The following TEC variants were observed in gnomAD, a reference collection of about 807,000 sequenced individuals.
TEC encodes tec protein tyrosine kinase.
Under a neutral mutation model 93.0 loss-of-function variants are expected in TEC, and 72 were observed. The observed-to-expected ratio is 0.77, with a 90% CI of 0.64 to 0.94. The LOEUF is 0.94. Ranked by LOEUF, TEC falls within the 40% of genes least tolerant of loss-of-function variation. The pLI is 0.00. For synonymous variants in TEC, 249 were observed against 247.7 expected (o/e 1.01, Z -0.05); for missense variants, 630 against 757.9 (o/e 0.83, Z 1.98).
intron 10 of TEC, 47 bp from the exon 11 acceptor site, chr4:48,149,737 A>C: frequency 6.5e-7 from 1 of 1,550,352 alleles, no homozygotes; most frequent in Non-Finnish European, 8.7e-7. Flanking sequence ...AAATAATAGA[A>C]CTTCATTCTT....
intron 1 of TEC, among the ~76,000 whole-genome samples, chr4:48,269,317 T>C (rs1470897716): frequency 6.6e-6 from 1 of 152,256 alleles, no homozygotes; most frequent in Non-Finnish European, 1.5e-5. Context: ...GGTATATCTA[T>C]CTCGACACTG....
rs150044798 is a variant in TEC at position 48,256,311 on chromosome 4, C to T, written c.-46+13441G>A. ...AAAATAATGCCTCTGTGGCCGGGCA[C>T]GGTGGCTCACATCTGTTATCCCAGC... On this transcript the variant is annotated intron_variant, in intron 1 of 17. Transcript: ENST00000381501. Among the ~76,000 whole-genome samples, 1,186 of 152,010 alleles carry T rather than the reference C, an allele frequency of 7.8e-3. 7 individuals are homozygous for T. The highest frequency in any genetic ancestry group is 0.013 in the Non-Finnish European group (893 of 67,958).
chr4:48,164,247 T>C (rs1024500167), intron 7 of TEC, among the ~76,000 whole-genome samples: 9 of 152,228 alleles, frequency 5.9e-5, no homozygotes, highest in African/African-American at 1.4e-4. Context: ...ATAGTTCTTA[T>C]AGAATAGTTT....
chr4:48,186,686 C>G (rs1208996047), intron 2 of TEC, among the ~76,000 whole-genome samples: 1 of 150,628 alleles, frequency 6.6e-6, no homozygotes, highest in Non-Finnish European at 1.5e-5. Flanking sequence ...AAGTGAGGAG[C>G]CCCTCCGCCC....
At chr4:48,217,476 C>A (rs1183775904) in intron 2 of TEC, among the ~76,000 whole-genome samples, 2 of 152,182 alleles carry the variant, frequency 1.3e-5, no homozygotes, top group Non-Finnish European at 2.9e-5. Flanking sequence ...ACACCTTCAG[C>A]TCCTAATGAT....
At chr4:48,183,354 G>T (rs1721672540) in intron 2 of TEC, among the ~76,000 whole-genome samples, 1 of 152,210 alleles carries the variant, frequency 6.6e-6, no homozygotes, top group Non-Finnish European at 1.5e-5. Flanking sequence ...AACTTGAGTA[G>T]GCTAAGGGAT....
chr4:48,184,768 A>AACACACACAC (rs1721730948), intron 2 of TEC, among the ~76,000 whole-genome samples: 1 of 96,906 alleles, frequency 1.0e-5, no homozygotes, highest in Non-Finnish European at 2.3e-5. Flanking sequence ...AGACAAAAAA[A>AACACACACAC]ATACACACAC....
chr4:48,202,004 T>C, intron 2 of TEC, among the ~76,000 whole-genome samples: 1 of 141,624 alleles, frequency 7.1e-6, no homozygotes. Flanking sequence ...TCGCCCAGGC[T>C]GGAGTGCAGT....
intron 14 of TEC, among the ~76,000 whole-genome samples, chr4:48,141,847 T>C (rs1485319609): frequency 6.6e-6 from 1 of 152,068 alleles, no homozygotes; most frequent in East Asian, 1.9e-4. Flanking sequence ...CACAGCCAGC[T>C]AATTATTGTA....
At chr4:48,235,749 AAAT>A (rs1290540382) in intron 1 of TEC, among the ~76,000 whole-genome samples, 1 of 152,200 alleles carries the variant, frequency 6.6e-6, no homozygotes, top group Non-Finnish European at 1.5e-5. Flanking sequence ...TCACACAGAA[AAAT>A]AATAAAAAAT....
At chr4:48,219,308 C>T (rs183047136) in intron 2 of TEC, among the ~76,000 whole-genome samples, 9 of 152,318 alleles carry the variant, frequency 5.9e-5, no homozygotes, top group Non-Finnish European at 1.3e-4. Flanking sequence ...GCACCCATTA[C>T]TTAGCAGACT....
intron 1 of TEC, among the ~76,000 whole-genome samples, chr4:48,233,489 T>G (rs1043397583): frequency 3.3e-5 from 5 of 151,676 alleles, no homozygotes; most frequent in African/African-American, 1.2e-4. Context: ...CAACTGACTT[T>G]TTAAAGTCCC....
At chr4:48,222,426 G>C (rs895593177) in intron 2 of TEC, among the ~76,000 whole-genome samples, 1 of 152,182 alleles carries the variant, frequency 6.6e-6, no homozygotes, top group Non-Finnish European at 1.5e-5. Context: ...AACTGGGGTT[G>C]GGAGCTGCAA....
Position 48,215,368 on chromosome 4 carries a change from G to A in TEC, c.138+13109C>T, listed in dbSNP as rs543714094. 5.1e-4 allele frequency among the ~76,000 whole-genome samples: 78 copies of A among 152,068 alleles called. 1 individual carries two copies. Among genetic ancestry groups the A allele is most frequent in the Non-Finnish European group, 7.1e-4 (48 of 68,006 alleles). ...CTAAAAATATAAAAATTAGCCAGGC[G>A]TGGTGGCACGCATCTATAATCCCAG... On this transcript the variant is annotated intron_variant, in intron 2 of 17. Transcript: ENST00000381501.
At chr4:48,149,382 T>C (rs11728070) in intron 11 of TEC, among the ~76,000 whole-genome samples, 175 bp downstream of exon 11, 11,627 of 152,298 alleles carry the variant, frequency 0.076, 530 homozygotes, top group South Asian at 0.13. Flanking sequence ...TAAAACTTGA[T>C]ATTATTTCTA....
At chr4:48,212,110 A>AAAAAAAAAAAAAAAAATATATATAT in intron 2 of TEC, among the ~76,000 whole-genome samples, 1 of 122,260 alleles carries the variant, frequency 8.2e-6, no homozygotes, top group African/African-American at 3.0e-5. Flanking sequence ...AAAAAAAAAA[A>AAAAAAAAAAAAAAAAATATATATAT]ATATATATAT....
intron 2 of TEC, among the ~76,000 whole-genome samples, chr4:48,218,772 G>A (rs1048807892): frequency 6.6e-6 from 1 of 152,162 alleles, no homozygotes; most frequent in Admixed American, 6.5e-5. Context: ...TGACCCAGGA[G>A]AGCCTATACA....
chr4:48,257,112 G>A (rs1374594495), intron 1 of TEC, among the ~76,000 whole-genome samples: 2 of 152,036 alleles, frequency 1.3e-5, no homozygotes, highest in African/African-American at 4.8e-5. Flanking sequence ...AAGATGTCCT[G>A]TACTGTATTT....
Position 48,138,984 on chromosome 4 carries a change from GCA to G in TEC, c.1572_1573del (p.Ala525Ter). 1 of 1,614,218 alleles carries G rather than the reference GCA, an allele frequency of 6.2e-7. No individual in the cohort carries two copies. The highest frequency in any genetic ancestry group is 8.5e-7 in the Non-Finnish European group (1 of 1,180,024). ...TGGACACCACTTCACAGGAAACTTA[GCA>G]CCAGAAGAACTTGTGTACTGATCAT... is the stretch of plus-strand genomic sequence containing the variant. On this transcript the variant is annotated frameshift_variant, in exon 16 of 18. Coordinates refer to ENST00000381501, the MANE Select transcript of TEC (RefSeq NM_003215.3). LOFTEE classifies it high-confidence loss of function.
Sources: gnomAD v4.1 joint callset for allele counts (sites outside exome capture counted in the v4.1 genomes callset) on GRCh38, gnomAD v4.1.1 for gene constraint, MANE v1.5 for transcripts, NCBI Gene and HGNC (gene_info 2026-07-23, HGNC 2026-07-21) for gene names.